The following MTREX variants were observed in gnomAD, a reference collection of about 807,000 sequenced individuals.
The protein encoded by MTREX is exosome RNA helicase MTR4.
Under a neutral mutation model 135.4 loss-of-function variants are expected in MTREX, and 76 were observed. That is an observed-to-expected ratio of 0.56 (90% CI 0.47 to 0.68). The LOEUF (loss-of-function observed/expected upper bound fraction) is 0.68. MTREX is among the 30% of genes least tolerant of loss of function. The pLI is 0.00. For missense variants in MTREX, 920 were observed against 1,262.1 expected, an observed-to-expected ratio of 0.73 and a Z score of 4.11; for synonymous variants, 404 against 401.6, an observed-to-expected ratio of 1.01 and a Z score of -0.07.
intron 14 of MTREX, 73 bp from the exon 15 acceptor site, chr5:55,358,500 A>C (rs936158333): frequency 1.6e-5 from 20 of 1,274,582 alleles, no homozygotes; most frequent in African/African-American, 3.1e-5. Flanking sequence ...AATTTTATAA[A>C]AAGAGAAATT....
intron 11 of MTREX, among the ~76,000 whole-genome samples, chr5:55,347,376 A>T (rs1327101355): frequency 6.6e-6 from 1 of 152,044 alleles, no homozygotes; most frequent in Non-Finnish European, 1.5e-5. Context: ...AATTTGGAGA[A>T]CCCTATGAAA....
intron 5 of MTREX, among the ~76,000 whole-genome samples, chr5:55,337,503 AC>A (rs1435385928): frequency 6.6e-6 from 1 of 152,030 alleles, no homozygotes; most frequent in African/African-American, 2.4e-5. Context: ...TTTATATAAA[AC>A]TATAAAATTT....
In MTREX at chr5:55,340,990, CTTTACT is replaced by C. The variant is rs1009168171; in HGVS notation, c.691-690_691-685del. Among the ~76,000 whole-genome samples the C allele has an allele frequency of 7.9e-5, 12 of 152,076 alleles. 1 individual carries two copies. The highest frequency in any genetic ancestry group is 2.9e-4 in the African/African-American group (12 of 41,392). ...TTAAGTTTTGGACATGATTAGTTAC[CTTTACT>C]AAGTATTTTTGTACATACTTTAATT... is the stretch of plus-strand genomic sequence containing the variant. On this transcript the variant is annotated intron_variant, in intron 6 of 26. Transcript: ENST00000230640.
chr5:55,369,016 T>C (rs1480983547), intron 16 of MTREX, among the ~76,000 whole-genome samples: 1 of 152,048 alleles, frequency 6.6e-6, no homozygotes, highest in Non-Finnish European at 1.5e-5. Flanking sequence ...AAACTGGTCT[T>C]AGCAAAGAGA....
Position 55,331,040 on chromosome 5 carries a change from G to T in MTREX, c.515+2229G>T, listed in dbSNP as rs184783420. Among the ~76,000 whole-genome samples the T allele has an allele frequency of 1.4e-3, 217 of 150,678 alleles. No individual in the cohort carries two copies. In the Middle Eastern group the frequency reaches 0.02, roughly 14 times the overall value. ...TTTCCATCTCTAAAATTTTGATTTC[G>T]TCAGTGTTTTCCGTATTTTTACTTA... On this transcript the variant is annotated intron_variant, in intron 5 of 26. Transcript: ENST00000230640.
chr5:55,371,203 C>T (rs908317225), intron 16 of MTREX, among the ~76,000 whole-genome samples: 2 of 152,146 alleles, frequency 1.3e-5, no homozygotes, highest in Non-Finnish European at 2.9e-5. Flanking sequence ...CCAGTACATT[C>T]AAGTTCTAAG....
chr5:55,323,910 C>T (rs1749328102), intron 2 of MTREX, among the ~76,000 whole-genome samples: 1 of 152,098 alleles, frequency 6.6e-6, no homozygotes, highest in Non-Finnish European at 1.5e-5. Flanking sequence ...GCAGTCTGTT[C>T]TGTATCTGTA....
At chr5:55,361,626 T>A (rs1450831029) in intron 15 of MTREX, among the ~76,000 whole-genome samples, 1 of 152,124 alleles carries the variant, frequency 6.6e-6, no homozygotes, top group African/African-American at 2.4e-5. Flanking sequence ...AGCTAATTTT[T>A]GTATTTTTTT....
At chr5:55,400,897 T>C (rs937857522) in intron 21 of MTREX, among the ~76,000 whole-genome samples, 7 of 152,206 alleles carry the variant, frequency 4.6e-5, no homozygotes, top group Admixed American at 6.5e-5. Flanking sequence ...ATATTTCTTA[T>C]AAATAGAATC....
intron 14 of MTREX, among the ~76,000 whole-genome samples, chr5:55,355,095 GAGA>G (rs2112074115): frequency 6.6e-6 from 1 of 152,352 alleles, no homozygotes; most frequent in Admixed American, 6.5e-5. Context: ...AGAAGCTCAA[GAGA>G]AGGAGAGAGT....
intron 19 of MTREX, among the ~76,000 whole-genome samples, chr5:55,392,191 T>G (rs1437208620): frequency 1.3e-5 from 2 of 152,134 alleles, no homozygotes; most frequent in Non-Finnish European, 2.9e-5. Context: ...CTCTGCTTGG[T>G]TAGTTTAATG....
At chr5:55,330,818 C>G (rs1458757951) in intron 5 of MTREX, among the ~76,000 whole-genome samples, 3 of 152,076 alleles carry the variant, frequency 2.0e-5, no homozygotes, top group South Asian at 2.1e-4. Flanking sequence ...GTTATACTTA[C>G]AGCAGGCCCC....
At chr5:55,386,035 T>G (rs1750473500) in intron 18 of MTREX, among the ~76,000 whole-genome samples, 1 of 152,206 alleles carries the variant, frequency 6.6e-6, no homozygotes, top group Admixed American at 6.5e-5. Context: ...AGTACATTTT[T>G]ATTAATTTTG....
rs147032648 is a variant in MTREX, at chr5:55,400,371, A to G, written c.2431A>G (p.Asn811Asp). The G allele has an allele frequency of 1.2e-6, 2 of 1,611,966 alleles. No homozygotes were observed. Among genetic ancestry groups the G allele is most frequent in the Non-Finnish European group, 8.5e-7 (1 of 1,179,230 alleles). ...TCGAATGTATTCTCATCCACTTCAC[A>G]ATGATCCAAATTTGGAAACTGTGTA... Reference protein sequence around the residue: ...EHRMYSHPLHNDPNLETVYTL... With the variant: ...EHRMYSHPLHDDPNLETVYTL... The change falls in exon 21 of 27, where the codon AAT becomes GAT. Residue 811 changes from asparagine (N) to aspartate (D), a missense_variant. Coordinates refer to ENST00000230640, the MANE Select transcript of MTREX (RefSeq NM_015360.5).
At chr5:55,421,649 A>C (rs1193793072) in intron 25 of MTREX, among the ~76,000 whole-genome samples, 1 of 152,178 alleles carries the variant, frequency 6.6e-6, no homozygotes, top group Non-Finnish European at 1.5e-5. Context: ...ATAATATCAC[A>C]TTGTGTTTCT....
chr5:55,374,286 A>ATATATATATATATAT (rs58169395), intron 16 of MTREX, among the ~76,000 whole-genome samples: 3 of 144,836 alleles, frequency 2.1e-5, no homozygotes, highest in African/African-American at 7.9e-5. Context: ...ATATATATAT[A>ATATATATATATATAT]AACAATTTTT....
At chr5:55,377,720 C>T (rs1750327855) in intron 16 of MTREX, among the ~76,000 whole-genome samples, 1 of 152,052 alleles carries the variant, frequency 6.6e-6, no homozygotes, top group East Asian at 1.9e-4. Flanking sequence ...GTCCATGGTT[C>T]CTGGTTTATA....
At chr5:55,396,063 A>G (rs1368315452) in intron 19 of MTREX, among the ~76,000 whole-genome samples, 2 of 152,236 alleles carry the variant, frequency 1.3e-5, no homozygotes, top group Non-Finnish European at 2.9e-5. Context: ...AAAGAGAACG[A>G]TGAAGCAAAT....
intron 12 of MTREX, 81 bp downstream of exon 12, chr5:55,349,733 C>T (rs1749797611): frequency 2.6e-6 from 2 of 762,956 alleles, no homozygotes; most frequent in Non-Finnish European, 4.6e-6. Flanking sequence ...GGTTTTATTA[C>T]TCTATTGCAC....
Sources: gnomAD v4.1 joint callset for allele counts (sites outside exome capture counted in the v4.1 genomes callset) on GRCh38, gnomAD v4.1.1 for gene constraint, MANE v1.5 for transcripts, NCBI Gene and HGNC (gene_info 2026-07-23, HGNC 2026-07-21) for gene names.